Variants in MRPS27 observed in about 807,000 individuals in gnomAD.
MRPS27 encodes small ribosomal subunit protein mS27.
In MRPS27, 43 loss-of-function variants were observed where a neutral mutation model predicts 48.9. That is an observed-to-expected ratio of 0.88 (90% CI 0.69 to 1.13). MRPS27 has a LOEUF of 1.13. Ranked by LOEUF, MRPS27 falls within the 50% of genes most tolerant of loss-of-function variation. The probability of loss-of-function intolerance (pLI) is 0.00; values close to 1 mark genes in which losing one functional copy is unlikely to be tolerated. For synonymous variants in MRPS27, 188 were observed against 171.9 expected (o/e 1.09, Z -0.73); for missense variants, 467 against 476.3 (o/e 0.98, Z 0.18).
chr5:72,268,556 A>G lies in MRPS27; in HGVS notation c.281+26975T>C, dbSNP rs77651774. Among the ~76,000 whole-genome samples the G allele has an allele frequency of 3.7e-3, 566 of 152,338 alleles. 1 individual carries two copies. Among genetic ancestry groups the G allele is most frequent in the African/African-American group, 0.013 (551 of 41,590 alleles). On this transcript the variant is annotated intron_variant, in intron 4 of 10. Transcript: ENST00000261413. Reference sequence around the variant, plus strand: ...TGGAGCTGACAAACAATGTTTTTATAAAATTGAGTGATAATGGGAAATAAG... The same window carrying G: ...TGGAGCTGACAAACAATGTTTTTATGAAATTGAGTGATAATGGGAAATAAG...
intron 4 of MRPS27, among the ~76,000 whole-genome samples, chr5:72,273,851 C>T (rs1392337447): frequency 1.3e-5 from 2 of 152,088 alleles, no homozygotes; most frequent in Non-Finnish European, 2.9e-5. Context: ...AAATTTCTCG[C>T]TAATAAATTA....
At chr5:72,295,472 T>A in intron 4 of MRPS27, 59 bp downstream of exon 4, 1 of 1,300,952 alleles carries the variant, frequency 7.7e-7, no homozygotes, top group Non-Finnish European at 1.1e-6. Flanking sequence ...TACCAACTTT[T>A]ATGTAAAAAA....
intron 4 of MRPS27, among the ~76,000 whole-genome samples, chr5:72,243,159 A>G (rs566629631): frequency 1.2e-4 from 18 of 152,344 alleles, no homozygotes; most frequent in African/African-American, 4.3e-4. Flanking sequence ...AAGAATGCCA[A>G]GAAGAAAATA....
At chr5:72,254,435 G>A (rs545992495) in intron 4 of MRPS27, among the ~76,000 whole-genome samples, 4 of 152,216 alleles carry the variant, frequency 2.6e-5, no homozygotes, top group Admixed American at 6.5e-5. Context: ...GAAAAAAGAC[G>A]GGAAAGAAAA....
At chr5:72,252,674 C>T (rs1342136063) in intron 4 of MRPS27, among the ~76,000 whole-genome samples, 1 of 152,084 alleles carries the variant, frequency 6.6e-6, no homozygotes, top group Non-Finnish European at 1.5e-5. Context: ...ATTCAGATGG[C>T]CTGCTTTATA....
chr5:72,260,890 G>A (rs925227528), intron 4 of MRPS27, among the ~76,000 whole-genome samples: 2 of 152,146 alleles, frequency 1.3e-5, no homozygotes, highest in Non-Finnish European at 2.9e-5. Flanking sequence ...TTTTGAGACA[G>A]TCTTGCTCTT....
chr5:72,304,077 G>C (rs1339299145), intron 2 of MRPS27, among the ~76,000 whole-genome samples: 1 of 151,974 alleles, frequency 6.6e-6, no homozygotes. Flanking sequence ...TATTAGACAA[G>C]AGCATATGGT....
chr5:72,275,176 G>C (rs1749342956), intron 4 of MRPS27, among the ~76,000 whole-genome samples: 1 of 152,110 alleles, frequency 6.6e-6, no homozygotes, highest in Non-Finnish European at 1.5e-5. Flanking sequence ...GCAACTTCAT[G>C]AAAGTCTCAG....
At chr5:72,305,212 C>G (rs893666754) in intron 2 of MRPS27, among the ~76,000 whole-genome samples, 1 of 152,056 alleles carries the variant, frequency 6.6e-6, no homozygotes, top group Non-Finnish European at 1.5e-5. Flanking sequence ...GACTAAAGAA[C>G]GGTGATGTGC....
chr5:72,274,312 C>T (rs1003978726), intron 4 of MRPS27, among the ~76,000 whole-genome samples: 4 of 152,190 alleles, frequency 2.6e-5, no homozygotes, highest in Non-Finnish European at 1.5e-5. Context: ...AGAGATCGCT[C>T]CACTGCACTC....
At chr5:72,248,712 TTAAA>T (rs34684973) in intron 4 of MRPS27, among the ~76,000 whole-genome samples, 82,673 of 144,956 alleles carry the variant, frequency 0.57, 23,782 homozygotes, top group Middle Eastern at 0.63. Flanking sequence ...TGTATAATAG[TTAAA>T]TAGATTCCAG....
chr5:72,296,878 T>G (rs1177062780), intron 3 of MRPS27, among the ~76,000 whole-genome samples: 1 of 152,222 alleles, frequency 6.6e-6, no homozygotes, highest in African/African-American at 2.4e-5. Context: ...GGGAGGAAGA[T>G]GCAACCGTAC....
intron 4 of MRPS27, among the ~76,000 whole-genome samples, chr5:72,282,649 C>T (rs1749560156): frequency 6.6e-6 from 1 of 152,082 alleles, no homozygotes; most frequent in South Asian, 2.1e-4. Context: ...TTTACTTTAG[C>T]CTTCTCCTTT....
At chr5:72,237,553 A>G (rs886881722) in intron 5 of MRPS27, among the ~76,000 whole-genome samples, 5 of 152,184 alleles carry the variant, frequency 3.3e-5, no homozygotes, top group African/African-American at 1.2e-4. Context: ...TATTTACTGC[A>G]TACAGTGGAA....
intron 4 of MRPS27, among the ~76,000 whole-genome samples, chr5:72,264,017 T>C (rs1414614973): frequency 6.6e-6 from 1 of 152,046 alleles, no homozygotes; most frequent in Admixed American, 6.6e-5. Flanking sequence ...GATGAGTGAA[T>C]AAATAAAATG....
chr5:72,274,017 T>A (rs1749312536), intron 4 of MRPS27, among the ~76,000 whole-genome samples: 3 of 152,084 alleles, frequency 2.0e-5, no homozygotes. Context: ...CTACTTTTAA[T>A]TTTTTTTAAC....
Position 72,319,670 on chromosome 5 carries a change from A to G in MRPS27, c.73+479T>C, listed in dbSNP as rs1750690709. On this transcript the variant is annotated intron_variant, in intron 1 of 10. Transcript: ENST00000261413. Reference sequence around the variant, plus strand: ...GCGATTATCCTGCCTCAGCCCCCCGAGTAGCTGGGATTACAGGCGCGCGCC... The same window carrying G: ...GCGATTATCCTGCCTCAGCCCCCCGGGTAGCTGGGATTACAGGCGCGCGCC... 4.0e-5 allele frequency among the ~76,000 whole-genome samples: 6 copies of G among 149,914 alleles called. No homozygotes were observed. In the South Asian group the frequency reaches 1.3e-3, roughly 31 times the overall value.
chr5:72,255,295 C>T (rs1054474552), intron 4 of MRPS27, among the ~76,000 whole-genome samples: 1 of 152,104 alleles, frequency 6.6e-6, no homozygotes, highest in African/African-American at 2.4e-5. Flanking sequence ...AGGTAATCCA[C>T]CCGCCTTGGA....
chr5:72,232,887 C>G (rs1748100613), intron 6 of MRPS27, among the ~76,000 whole-genome samples: 1 of 152,166 alleles, frequency 6.6e-6, no homozygotes, highest in Non-Finnish European at 1.5e-5. Context: ...TCACCTACTT[C>G]AAGAGAATTT....
Sources: gnomAD v4.1 joint callset for allele counts (sites outside exome capture counted in the v4.1 genomes callset) on GRCh38, gnomAD v4.1.1 for gene constraint, MANE v1.5 for transcripts, NCBI Gene and HGNC (gene_info 2026-07-23, HGNC 2026-07-21) for gene names.